CACNA1C: variants seen among roughly 807,000 people sequenced by gnomAD.
CACNA1C encodes the protein calcium voltage-gated channel subunit alpha1 C, also known as voltage-dependent L-type calcium channel subunit alpha-1C.
A neutral mutation model predicts 229.0 loss-of-function variants in CACNA1C; 30 were observed. The ratio of observed to expected loss-of-function variants is 0.13; its 90% confidence interval spans 0.10 to 0.18. CACNA1C has a LOEUF of 0.18. Among genes scored for constraint, CACNA1C ranks in the 10% least tolerant of loss-of-function variants. The pLI, the probability that CACNA1C is intolerant of heterozygous loss-of-function variation, is 1.00. For synonymous variants in CACNA1C, 1,114 were observed against 1,132.5 expected (o/e 0.98, Z 0.33); for missense variants, 1,658 against 2,845.0 (o/e 0.58, Z 9.49).
At chr12:2,592,344 C>T (rs1422505182) in intron 18 of CACNA1C, among the ~76,000 whole-genome samples, 2 of 152,190 alleles carry the variant, frequency 1.3e-5, no homozygotes, top group African/African-American at 4.8e-5. Flanking sequence ...TATTATTCCA[C>T]CTTAGATGGA....
At chr12:2,349,200 C>T (rs1031146757) in intron 3 of CACNA1C, among the ~76,000 whole-genome samples, 6 of 152,156 alleles carry the variant, frequency 3.9e-5, no homozygotes, top group Non-Finnish European at 5.9e-5. Flanking sequence ...GACTGGAAAA[C>T]GTCAGAAGGG....
intron 3 of CACNA1C, among the ~76,000 whole-genome samples, chr12:2,301,302 C>G (rs553633570): frequency 3.9e-5 from 6 of 152,248 alleles, no homozygotes; most frequent in Admixed American, 2.0e-4. Flanking sequence ...ATCTGTGGGT[C>G]TTAAAAACCT....
At chr12:2,190,475 C>T (rs778388190) in intron 3 of CACNA1C, among the ~76,000 whole-genome samples, 3 of 152,116 alleles carry the variant, frequency 2.0e-5, no homozygotes, top group African/African-American at 4.8e-5. Context: ...GTATCGTAGA[C>T]GTGTTGGGTT....
At chr12:2,552,484 C>G (rs998784044) in intron 10 of CACNA1C, among the ~76,000 whole-genome samples, 1 of 152,200 alleles carries the variant, frequency 6.6e-6, no homozygotes, top group Non-Finnish European at 1.5e-5. Flanking sequence ...CTGGCAGACC[C>G]TTAACCGTTT....
At chr12:2,187,547 C>T (rs983830899) in intron 3 of CACNA1C, among the ~76,000 whole-genome samples, 22 of 152,190 alleles carry the variant, frequency 1.4e-4, no homozygotes, top group African/African-American at 5.3e-4. Flanking sequence ...TTGTTCATTC[C>T]TGGGAGCTCC....
intron 1 of CACNA1C, among the ~76,000 whole-genome samples, chr12:2,081,520 G>A (rs1728128319): frequency 6.6e-6 from 1 of 151,652 alleles, no homozygotes; most frequent in Non-Finnish European, 1.5e-5. Flanking sequence ...GCAGTGAGCC[G>A]AGATCGCGCC....
chr12:2,186,998 T>TCCTGTCCTGCTGCCCTCTTG (rs2097047901), intron 3 of CACNA1C, among the ~76,000 whole-genome samples: 1 of 151,762 alleles, frequency 6.6e-6, no homozygotes, highest in African/African-American at 2.4e-5. Context: ...CCGACCCCTT[T>TCCTGTCCTGCTGCCCTCTTG]CCTGTCCTGC....
In CACNA1C at chr12:2,111,194, G is replaced by T. The variant is rs144796192; in HGVS notation, c.50-4030G>T. Among the ~76,000 whole-genome samples, 243 of 152,340 alleles carry T rather than the reference G, an allele frequency of 1.6e-3. 5 individuals carry two copies. Among genetic ancestry groups the T allele is most frequent in the African/African-American group, 5.3e-3 (219 of 41,574 alleles). On this transcript the variant is annotated intron_variant, in intron 1 of 46. Transcript: ENST00000399655. ...GGTTCATATGTGCTTTCTCCAGATGGTGTGCTCCAGAAAGGTCCTTGCGCT... is the reference window on the plus strand; with the variant it reads ...GGTTCATATGTGCTTTCTCCAGATGTTGTGCTCCAGAAAGGTCCTTGCGCT...
rs145200638 is a variant in CACNA1C, at chr12:2,170,075, G to A, written c.477+49645G>A. The stretch of plus-strand genomic sequence containing the variant: ...GGTTTTTTCCACTCCTTTATCCCCA[G>A]CACTTAACCTCATGTTTGGCTCATA... On this transcript the variant is annotated intron_variant, in intron 3 of 46. Coordinates refer to ENST00000399655, the MANE Select transcript of CACNA1C (RefSeq NM_000719.7). Among the ~76,000 whole-genome samples the A allele has an allele frequency of 3.0e-4, 46 of 152,284 alleles. 1 individual carries two copies. The highest frequency in any genetic ancestry group is 9.9e-4 in the African/African-American group (41 of 41,548).
intron 3 of CACNA1C, among the ~76,000 whole-genome samples, chr12:2,424,515 C>T (rs2099010094): frequency 6.6e-6 from 1 of 152,176 alleles, no homozygotes; most frequent in Non-Finnish European, 1.5e-5. Flanking sequence ...AATGTTGTCT[C>T]AGGGACAGGG....
intron 3 of CACNA1C, among the ~76,000 whole-genome samples, chr12:2,130,258 C>G (rs2091863112): frequency 6.9e-6 from 1 of 145,258 alleles, no homozygotes; most frequent in Non-Finnish European, 1.5e-5. Flanking sequence ...TATTAACCAG[C>G]TTTGCGTTTA....
intron 6 of CACNA1C, among the ~76,000 whole-genome samples, chr12:2,491,894 T>G (rs1309710896): frequency 1.3e-5 from 2 of 152,136 alleles, no homozygotes; most frequent in African/African-American, 4.8e-5. Context: ...ACGATTGTTT[T>G]GATATATATG....
At chr12:2,415,851 G>C (rs1321658663) in intron 3 of CACNA1C, among the ~76,000 whole-genome samples, 2 of 152,112 alleles carry the variant, frequency 1.3e-5, no homozygotes, top group Non-Finnish European at 2.9e-5. Flanking sequence ...TGGTCAACCT[G>C]CCCTTTCCCT....
chr12:2,135,861 T>C lies in CACNA1C; in HGVS notation c.477+15431T>C, dbSNP rs897216969. 4.1e-5 allele frequency among the ~76,000 whole-genome samples: 6 copies of C among 147,676 alleles called. 1 individual carries two copies. Among genetic ancestry groups the C allele is most frequent in the Non-Finnish European group, 5.9e-5 (4 of 67,434 alleles). ...CAGTTCGAGCTTCCCGGCTGCTTTGTTTACCTAATCAAGCCCGGGCAATGG... is the reference window on the plus strand; with the variant it reads ...CAGTTCGAGCTTCCCGGCTGCTTTGCTTACCTAATCAAGCCCGGGCAATGG... On this transcript the variant is annotated intron_variant, in intron 3 of 46. Coordinates refer to ENST00000399655, the MANE Select transcript of CACNA1C (RefSeq NM_000719.7).
chr12:2,690,757 A>AAC (rs990486245), intron 46 of CACNA1C, 143 bp from the exon 47 acceptor site: 2 of 772,726 alleles, frequency 2.6e-6, no homozygotes, highest in Non-Finnish European at 2.0e-6. Context: ...TGCCCCTCCC[A>AAC]ACACACACAC....
intron 18 of CACNA1C, among the ~76,000 whole-genome samples, chr12:2,591,194 G>A (rs906188369): frequency 2.0e-4 from 31 of 152,160 alleles, no homozygotes; most frequent in African/African-American, 7.2e-4. Context: ...GCTTGATAAA[G>A]AATTGCTTTC....
chr12:2,473,264 C>A (rs2099602611), intron 5 of CACNA1C, among the ~76,000 whole-genome samples: 1 of 152,142 alleles, frequency 6.6e-6, no homozygotes, highest in South Asian at 2.1e-4. Context: ...GACACACAGG[C>A]AACCCCTACA....
At chr12:2,400,367 C>T (rs529525703) in intron 3 of CACNA1C, among the ~76,000 whole-genome samples, 66 of 152,238 alleles carry the variant, frequency 4.3e-4, no homozygotes, top group Non-Finnish European at 7.4e-4. Context: ...GTGGTGCCTA[C>T]GGGGCAGGGG....
intron 3 of CACNA1C, among the ~76,000 whole-genome samples, chr12:2,153,763 T>C (rs949660379): frequency 6.6e-6 from 1 of 152,216 alleles, no homozygotes; most frequent in African/African-American, 2.4e-5. Flanking sequence ...TTACTTTTCC[T>C]TCCTGGGAGA....
Sources: allele counts gnomAD v4.1 joint callset (sites outside exome capture counted in the v4.1 genomes callset), GRCh38; gene constraint gnomAD v4.1.1; transcripts MANE v1.5; gene names NCBI Gene and HGNC (gene_info 2026-07-23, HGNC 2026-07-21).